Variants in LINGO1 observed in about 807,000 individuals in gnomAD.
LINGO1 encodes the protein leucine rich repeat and Ig domain containing 1.
Under a neutral mutation model 37.3 loss-of-function variants are expected in LINGO1, and 11 were observed. The ratio of observed to expected loss-of-function variants is 0.29; its 90% confidence interval spans 0.19 to 0.49. LINGO1 has a LOEUF of 0.49. Among genes scored for constraint, LINGO1 ranks in the 20% least tolerant of loss-of-function variants. The pLI, the probability that LINGO1 is intolerant of heterozygous loss-of-function variation, is 0.99. For missense variants in LINGO1, 585 were observed against 878.2 expected (o/e 0.67, Z 4.22); for synonymous variants, 387 against 403.0 (o/e 0.96, Z 0.48).
At chr15:77,629,274 G>A (rs1487269911) in intron 1 of LINGO1, among the ~76,000 whole-genome samples, 1 of 151,248 alleles carries the variant, frequency 6.6e-6, no homozygotes, top group African/African-American at 2.5e-5. Flanking sequence ...CAGCACCCAG[G>A]GATATTCATT....
At chr15:77,647,625 G>A (rs1044198901) in intron 3 of LINGO1, among the ~76,000 whole-genome samples, 7 of 152,180 alleles carry the variant, frequency 4.6e-5, no homozygotes, top group African/African-American at 1.7e-4. Context: ...GCTGGCAGCT[G>A]GCAGGTCAGA....
intron 1 of LINGO1, among the ~76,000 whole-genome samples, chr15:77,693,716 G>A (rs1287613721): frequency 6.6e-6 from 1 of 152,196 alleles, no homozygotes; most frequent in East Asian, 1.9e-4. Flanking sequence ...TAGCCAGGGT[G>A]ATGGCACAGA....
intron 2 of LINGO1, among the ~76,000 whole-genome samples, chr15:77,682,421 T>G (rs2075432695): frequency 6.6e-6 from 1 of 152,040 alleles, no homozygotes; most frequent in South Asian, 2.1e-4. Flanking sequence ...TCCAAGCATG[T>G]ACATATGTGT....
At chr15:77,682,848 G>A (rs551265259) in intron 2 of LINGO1, among the ~76,000 whole-genome samples, 22 of 152,014 alleles carry the variant, frequency 1.4e-4, no homozygotes, top group Admixed American at 6.6e-5. Flanking sequence ...GGCCAGACGC[G>A]AAACTCCGAA....
At chr15:77,716,470 G>A (rs998615137) in intron 2 of LINGO1, among the ~76,000 whole-genome samples, 1 of 149,294 alleles carries the variant, frequency 6.7e-6, no homozygotes, top group East Asian at 2.1e-4. Context: ...GTCCTGCAGG[G>A]AGTCAAGAGT....
At chr15:77,710,727 G>T (rs35761651) in intron 2 of LINGO1, among the ~76,000 whole-genome samples, 66,917 of 152,184 alleles carry the variant, frequency 0.44, 15,699 homozygotes, top group Admixed American at 0.58. Flanking sequence ...CCACCTGCGA[G>T]GGAGGACGGG....
rs200058129 is a variant in LINGO1 at position 77,780,812 on chromosome 15, GC to G, written c.-257+6056del. 8.7e-3 allele frequency among the ~76,000 whole-genome samples: 1,313 copies of G among 151,440 alleles called. 16 individuals carry two copies. Among genetic ancestry groups the G allele is most frequent in the African/African-American group, 0.03 (1,225 of 40,806 alleles). On this transcript the variant is annotated intron_variant, in intron 1 of 3. Coordinates refer to the LINGO1 transcript ENST00000561686. Reference sequence around the variant, plus strand: ...CATGTGAGGACACAGCAAGAAGGTGGCCATAGGCAAGCCAGGAAGAGAGCCC... The same window carrying G: ...CATGTGAGGACACAGCAAGAAGGTGGCATAGGCAAGCCAGGAAGAGAGCCC...
At chr15:77,816,973 C>G (rs56105032) in intron 1 of LINGO1, among the ~76,000 whole-genome samples, 6,693 of 55,224 alleles carry the variant, frequency 0.12, 466 homozygotes, top group African/African-American at 0.2. Flanking sequence ...GGAAGAGGAG[C>G]TGAGAGAGAG....
chr15:77,777,465 G>GCACGCA (rs1555541587), intron 1 of LINGO1, among the ~76,000 whole-genome samples: 7 of 140,004 alleles, frequency 5.0e-5, no homozygotes, highest in Admixed American at 7.0e-5. Flanking sequence ...ATACACACAC[G>GCACGCA]CACACACACA....
chr15:77,741,001 G>A (rs967185940), intron 1 of LINGO1, among the ~76,000 whole-genome samples: 3 of 152,158 alleles, frequency 2.0e-5, no homozygotes, highest in Non-Finnish European at 4.4e-5. Context: ...CCAGCCCCCA[G>A]CCCTGCCCTC....
Position 77,617,565 on chromosome 15 carries a change from A to T in LINGO1, c.7-1665T>A, listed in dbSNP as rs372460375. Among the ~76,000 whole-genome samples, 10 of 151,998 alleles carry T rather than the reference A, an allele frequency of 6.6e-5. No individual in the cohort carries two copies. The East Asian group carries it at 1.9e-3, about 30-fold the overall frequency. ...CCCAGACCGGATGTCCCACCTCTCC[A>T]CCCTAGCTCAGGCCCTTCTCCCACC... On this transcript the variant is annotated intron_variant, in intron 1 of 1. Coordinates refer to ENST00000355300, the MANE Select transcript of LINGO1 (RefSeq NM_032808.7).
intron 1 of LINGO1, among the ~76,000 whole-genome samples, chr15:77,808,906 G>T (rs369232873): frequency 6.6e-6 from 1 of 152,144 alleles, no homozygotes; most frequent in Non-Finnish European, 1.5e-5. Context: ...CCCAGGCCTC[G>T]GATGGCCCAT....
chr15:77,696,216 A>G (rs2075691318), intron 1 of LINGO1: 1 of 152,212 alleles, frequency 6.6e-6, no homozygotes, highest in Non-Finnish European at 1.5e-5. Flanking sequence ...GGGCTCTCCC[A>G]CGGTGGGGAG....
chr15:77,646,041 G>A (rs2074619708), intron 3 of LINGO1, among the ~76,000 whole-genome samples: 1 of 152,256 alleles, frequency 6.6e-6, no homozygotes, highest in Non-Finnish European at 1.5e-5. Context: ...CTCATTTAGA[G>A]GCTGGGGAGT....
intron 2 of LINGO1, among the ~76,000 whole-genome samples, chr15:77,730,636 C>G (rs1244908904): frequency 6.6e-6 from 1 of 152,236 alleles, no homozygotes; most frequent in Non-Finnish European, 1.5e-5. Context: ...GCCACAGCAT[C>G]AACCTGGGGG....
intron 1 of LINGO1, among the ~76,000 whole-genome samples, chr15:77,816,880 C>T (rs945522373): frequency 7.9e-5 from 12 of 152,154 alleles, no homozygotes; most frequent in Non-Finnish European, 1.5e-4. Flanking sequence ...TCTTGCCATG[C>T]TCCAGCCACC....
intron 2 of LINGO1, among the ~76,000 whole-genome samples, chr15:77,684,641 C>T (rs1054009478): frequency 2.2e-4 from 34 of 152,228 alleles, no homozygotes; most frequent in African/African-American, 7.5e-4. Context: ...TTAGGCTCCC[C>T]GGGGCTGGTC....
chr15:77,689,280 T>C (rs2141246382), intron 2 of LINGO1, among the ~76,000 whole-genome samples: 1 of 150,172 alleles, frequency 6.7e-6, no homozygotes, highest in Middle Eastern at 3.4e-3. Context: ...CAGCCCCCTA[T>C]GGTAGGAGGC....
At chr15:77,781,198 C>CT (rs1344524118) in intron 1 of LINGO1, among the ~76,000 whole-genome samples, 1 of 152,232 alleles carries the variant, frequency 6.6e-6, no homozygotes, top group Non-Finnish European at 1.5e-5. Context: ...AGCCGGTTCC[C>CT]TGAAGGCATG....
Sources: allele counts gnomAD v4.1 joint callset (sites outside exome capture counted in the v4.1 genomes callset), GRCh38; gene constraint gnomAD v4.1.1; transcripts MANE v1.5; gene names NCBI Gene and HGNC (gene_info 2026-07-23, HGNC 2026-07-21).